The following SLC9A9 variants were observed in gnomAD, a reference collection of about 807,000 sequenced individuals.
SLC9A9 encodes solute carrier family 9 member A9, also known as sodium/hydrogen exchanger 9.
In SLC9A9, 62 loss-of-function variants were observed where a neutral mutation model predicts 77.8. The observed-to-expected ratio is 0.80, with a 90% CI of 0.65 to 0.98. The LOEUF (loss-of-function observed/expected upper bound fraction) is 0.98. Among genes scored for constraint, SLC9A9 ranks in the 50% least tolerant of loss-of-function variants. The pLI is 0.00. For synonymous variants in SLC9A9, 320 were observed against 283.5 expected, an observed-to-expected ratio of 1.13 and a Z score of -1.29; for missense variants, 775 against 774.9, an observed-to-expected ratio of 1.00 and a Z score of 0.00.
intron 12 of SLC9A9, among the ~76,000 whole-genome samples, chr3:143,449,934 GTA>G (rs1392733220): frequency 6.0e-5 from 5 of 82,720 alleles, no homozygotes; most frequent in Admixed American, 2.0e-4. Context: ...TATATTACAT[GTA>G]TATATATTAT....
At chr3:143,335,099 C>A (rs1245895647) in intron 14 of SLC9A9, among the ~76,000 whole-genome samples, 1 of 151,962 alleles carries the variant, frequency 6.6e-6, no homozygotes, top group African/African-American at 2.4e-5. Flanking sequence ...ATTCAGAAAA[C>A]CTGCAGGATT....
intron 6 of SLC9A9, among the ~76,000 whole-genome samples, chr3:143,579,857 C>G (rs1195250986): frequency 6.6e-6 from 1 of 152,116 alleles, no homozygotes; most frequent in African/African-American, 2.4e-5. Flanking sequence ...TAAGAGAGAG[C>G]AAGGGGAACC....
intron 6 of SLC9A9, among the ~76,000 whole-genome samples, chr3:143,582,136 C>T (rs952387836): frequency 1.3e-5 from 2 of 152,174 alleles, no homozygotes; most frequent in Admixed American, 6.5e-5. Context: ...TGACTATGCA[C>T]AGTCATATTG....
chr3:143,808,811 T>C (rs2008790921), intron 2 of SLC9A9, among the ~76,000 whole-genome samples: 1 of 152,168 alleles, frequency 6.6e-6, no homozygotes, highest in Non-Finnish European at 1.5e-5. Context: ...TTATAAGAAT[T>C]AAATGAATTA....
At chr3:143,687,732 T>C (rs1331740152) in intron 5 of SLC9A9, among the ~76,000 whole-genome samples, 1 of 133,256 alleles carries the variant, frequency 7.5e-6, no homozygotes, top group Non-Finnish European at 1.6e-5. Context: ...AAGAGTCAGT[T>C]TTGTCTGTTA....
intron 4 of SLC9A9, among the ~76,000 whole-genome samples, chr3:143,715,099 A>C (rs115122800): frequency 0.034 from 5,222 of 152,278 alleles, 292 homozygotes; most frequent in African/African-American, 0.12. Flanking sequence ...GCCAAGTGGA[A>C]CTGCAAGTCC....
At chr3:143,577,850 C>T (rs981740357) in intron 7 of SLC9A9, among the ~76,000 whole-genome samples, 1 of 152,152 alleles carries the variant, frequency 6.6e-6, no homozygotes, top group African/African-American at 2.4e-5. Context: ...TTCTGTGGCT[C>T]CACCTAACCC....
intron 5 of SLC9A9, among the ~76,000 whole-genome samples, chr3:143,684,717 A>G (rs1222018495): frequency 6.6e-6 from 1 of 152,080 alleles, no homozygotes; most frequent in African/African-American, 2.4e-5. Context: ...AGGCTACAGT[A>G]TTTGTGGTTT....
chr3:143,596,658 T>C (rs142580468), intron 6 of SLC9A9, among the ~76,000 whole-genome samples: 1 of 152,142 alleles, frequency 6.6e-6, no homozygotes, highest in East Asian at 1.9e-4. Flanking sequence ...ATGTATGAAG[T>C]CTTTTTCTTT....
chr3:143,589,542 C>T lies in SLC9A9; in HGVS notation c.756-10819G>A, dbSNP rs113891346. Among the ~76,000 whole-genome samples the T allele has an allele frequency of 4.7e-3, 721 of 152,060 alleles. 3 individuals are homozygous for T. The highest frequency in any genetic ancestry group is 0.015 in the African/African-American group (635 of 41,478). On this transcript the variant is annotated intron_variant, in intron 6 of 15. Transcript: ENST00000316549. ...ATAACATACTGTACAGGTTTGTAGCCTAGAAGATATAGGTTATACCATATA... is the reference window on the plus strand; with the variant it reads ...ATAACATACTGTACAGGTTTGTAGCTTAGAAGATATAGGTTATACCATATA...
intron 9 of SLC9A9, chr3:143,517,074 C>CTTT (rs776755743): frequency 4.4e-6 from 4 of 914,150 alleles, no homozygotes; most frequent in Non-Finnish European, 6.3e-6. Flanking sequence ...ATTTCTTTAA[C>CTTT]TTTTTTTTTT....
chr3:143,396,300 G>A (rs1469985306), intron 12 of SLC9A9, among the ~76,000 whole-genome samples: 2 of 152,114 alleles, frequency 1.3e-5, no homozygotes, highest in African/African-American at 4.8e-5. Context: ...TCCTTTGTAG[G>A]GACATGGATG....
chr3:143,484,889 T>G (rs2108584030), intron 11 of SLC9A9, among the ~76,000 whole-genome samples: 1 of 152,332 alleles, frequency 6.6e-6, no homozygotes, highest in Middle Eastern at 3.4e-3. Flanking sequence ...AATGGGATGC[T>G]GGGAACATGG....
chr3:143,686,453 G>T (rs764660254), intron 5 of SLC9A9, among the ~76,000 whole-genome samples: 3 of 152,106 alleles, frequency 2.0e-5, no homozygotes, highest in Non-Finnish European at 2.9e-5. Flanking sequence ...TCTGGGCAAG[G>T]GGGTGCAGTA....
chr3:143,367,101 G>A (rs2032928958), intron 13 of SLC9A9, among the ~76,000 whole-genome samples: 1 of 152,060 alleles, frequency 6.6e-6, no homozygotes, highest in South Asian at 2.1e-4. Flanking sequence ...TTTCCCAAGG[G>A]GAATATATCA....
intron 4 of SLC9A9, among the ~76,000 whole-genome samples, chr3:143,742,403 T>A (rs759573289): frequency 2.6e-5 from 4 of 152,190 alleles, no homozygotes; most frequent in African/African-American, 9.6e-5. Context: ...GCAATTCCCC[T>A]GTCTTGATGA....
intron 12 of SLC9A9, among the ~76,000 whole-genome samples, chr3:143,455,219 A>G (rs1362197473): frequency 6.6e-6 from 1 of 152,202 alleles, no homozygotes; most frequent in Non-Finnish European, 1.5e-5. Context: ...ACAAAAATCA[A>G]TACGCCATAG....
chr3:143,362,190 A>G (rs532244518), intron 14 of SLC9A9, among the ~76,000 whole-genome samples: 1 of 152,322 alleles, frequency 6.6e-6, no homozygotes, highest in East Asian at 1.9e-4. Flanking sequence ...TTAATGGCCA[A>G]GATGGACTTC....
chr3:143,423,609 A>G (rs924277699), intron 12 of SLC9A9, among the ~76,000 whole-genome samples: 1 of 152,274 alleles, frequency 6.6e-6, no homozygotes, highest in Non-Finnish European at 1.5e-5. Context: ...ATGAAAGTCC[A>G]TTTAATAAAA....
Sources: allele counts gnomAD v4.1 joint callset (sites outside exome capture counted in the v4.1 genomes callset), GRCh38; gene constraint gnomAD v4.1.1; transcripts MANE v1.5; gene names NCBI Gene and HGNC (gene_info 2026-07-23, HGNC 2026-07-21).